YAE1: variants seen among roughly 807,000 people sequenced by gnomAD.
YAE1 encodes the protein YAE1 maturation factor of ABCE1.
A neutral mutation model predicts 23.0 loss-of-function variants in YAE1; 22 were observed. That is an observed-to-expected ratio of 0.96 (90% CI 0.68 to 1.37). The LOEUF (loss-of-function observed/expected upper bound fraction) is 1.37, where lower values mean the gene tolerates loss of function less well. Ranked by LOEUF, YAE1 falls within the 40% of genes most tolerant of loss-of-function variation. The pLI is 0.00. For missense variants in YAE1, 260 were observed against 262.1 expected (o/e 0.99, Z 0.06); for synonymous variants, 101 against 97.0 (o/e 1.04, Z -0.24).
chr7:39,605,243 G>A (rs1304918310), intron 2 of YAE1, among the ~76,000 whole-genome samples: 1 of 152,164 alleles, frequency 6.6e-6, no homozygotes, highest in Non-Finnish European at 1.5e-5. Context: ...GTAGGTTGTG[G>A]TTAACCTATG....
intron 2 of YAE1, among the ~76,000 whole-genome samples, chr7:39,578,412 C>T (rs1790689559): frequency 6.6e-6 from 1 of 152,192 alleles, no homozygotes; most frequent in Non-Finnish European, 1.5e-5. Context: ...GCCCAAGGGT[C>T]TAGTTCCATG....
chr7:39,576,453 G>A (rs1301490726), downstream of YAE1, among the ~76,000 whole-genome samples: 1 of 152,098 alleles, frequency 6.6e-6, no homozygotes, highest in Non-Finnish European at 1.5e-5. Flanking sequence ...TTTCCCACCT[G>A]CCTCTTTCCA....
At chr7:39,611,433 G>C (rs188840835), downstream of YAE1, among the ~76,000 whole-genome samples, 2 of 152,226 alleles carry the variant, frequency 1.3e-5, no homozygotes, top group Non-Finnish European at 2.9e-5. Context: ...ATCAGAGTTT[G>C]CTCGGGGGCA....
chr7:39,601,974 A>G (rs372431812), intron 2 of YAE1, among the ~76,000 whole-genome samples: 44 of 152,324 alleles, frequency 2.9e-4, no homozygotes, highest in African/African-American at 1.1e-3. Context: ...TATCTATAGA[A>G]GACAGTCAAT....
At chr7:39,566,706 T>C in intron 1 of YAE1, 159 bp downstream of exon 1, 2 of 1,032,898 alleles carry the variant, frequency 1.9e-6, no homozygotes, top group Middle Eastern at 6.6e-4. Context: ...TCTCGATGGT[T>C]ACTTGAAAGC....
At chr7:39,569,582 A>G in intron 1 of YAE1, 1 of 565,534 alleles carries the variant, frequency 1.8e-6, no homozygotes, top group South Asian at 1.6e-5. Flanking sequence ...CTGAAGGACA[A>G]AGGCAACCTG....
intron 1 of YAE1, chr7:39,569,326 A>C (rs1790528457): frequency 3.1e-6 from 1 of 322,110 alleles, no homozygotes; most frequent in African/African-American, 2.2e-5. Flanking sequence ...CAAAAGAAAT[A>C]ATCAGTCTTC....
At chr7:39,599,370 G>T (rs1583683163) in intron 2 of YAE1, among the ~76,000 whole-genome samples, 2 of 138,352 alleles carry the variant, frequency 1.4e-5, no homozygotes, top group Middle Eastern at 3.4e-3. Context: ...TTTTTGTTTT[G>T]TTTTTTTGTT....
chr7:39,569,487 G>A (rs1790531636), intron 1 of YAE1: 11 of 492,416 alleles, frequency 2.2e-5, no homozygotes, highest in South Asian at 8.3e-5. Flanking sequence ...TTCTTTATCC[G>A]CCTCTTGTTC....
At chr7:39,606,958 G>C (rs528633588) in intron 2 of YAE1, among the ~76,000 whole-genome samples, 1 of 152,274 alleles carries the variant, frequency 6.6e-6, no homozygotes, top group South Asian at 2.1e-4. Context: ...TTTCTAAAAT[G>C]TTGGTCTTTA....
intron 2 of YAE1, among the ~76,000 whole-genome samples, chr7:39,593,697 A>G (rs187939065): frequency 1.5e-4 from 23 of 152,152 alleles, no homozygotes; most frequent in Non-Finnish European, 2.6e-4. Context: ...AGCTTAAGCA[A>G]TCTGCCCACC....
chr7:39,569,960 A>G (rs895511140), intron 1 of YAE1: 3 of 1,331,312 alleles, frequency 2.3e-6, no homozygotes, highest in Non-Finnish European at 2.2e-6. Flanking sequence ...CTACTTTCAC[A>G]ACATTAACCT....
At position 39,607,575 on chromosome 7, in the gene YAE1, T is replaced by C. The variant is rs1369822479; in HGVS notation, c.252-2042T>C. ...GACTTTTGAATTCAATAAAGAACTC[T>C]AAGATAATACACTTTTTGTTGTTTT... On this transcript the variant is annotated intron_variant, in intron 2 of 2. Transcript: ENST00000432096. 1.3e-5 allele frequency among the ~76,000 whole-genome samples: 2 copies of C among 152,264 alleles called. 1 individual carries two copies. Among genetic ancestry groups the C allele is most frequent in the African/African-American group, 4.8e-5 (2 of 41,478 alleles).
Position 39,570,609 on chromosome 7 carries a change from G to A in YAE1, c.233G>A (p.Arg78Gln), listed in dbSNP as rs766403561. 4 of 1,598,302 alleles carry A rather than the reference G, an allele frequency of 2.5e-6. No homozygotes were observed. The highest frequency in any genetic ancestry group is 2.2e-5 in the East Asian group (1 of 44,654). The stretch of plus-strand genomic sequence containing the variant: ...GCAGAAGTCATTTTAAACTATGGAC[G>A]ACTCCGAGGAACATTGAGGTAATTT... ...KGAEVILNYGRLRGTLSALLS... is the reference protein window; with the variant it reads ...KGAEVILNYGQLRGTLSALLS... Residue 78 changes from arginine (R) to glutamine (Q), a missense_variant, in exon 2 of 3, where the codon CGA (arginine) becomes CAA (glutamine). Transcript: ENST00000223273.
intron 2 of YAE1, among the ~76,000 whole-genome samples, chr7:39,601,918 T>G (rs1207194456): frequency 6.6e-6 from 1 of 152,198 alleles, no homozygotes; most frequent in Admixed American, 6.5e-5. Context: ...TTCATGAATA[T>G]TCTAACTTCA....
intron 2 of YAE1, among the ~76,000 whole-genome samples, chr7:39,602,452 T>A (rs958516028): frequency 2.6e-5 from 4 of 152,250 alleles, no homozygotes; most frequent in African/African-American, 9.6e-5. Context: ...TGGATTTCCG[T>A]GTTGTAGAAC....
intron 2 of YAE1, among the ~76,000 whole-genome samples, chr7:39,600,702 T>A (rs1308386160): frequency 6.6e-6 from 1 of 152,136 alleles, no homozygotes; most frequent in Non-Finnish European, 1.5e-5. Flanking sequence ...TGGCCTGCTG[T>A]TTTTATTAAA....
intron 2 of YAE1, among the ~76,000 whole-genome samples, chr7:39,605,175 T>G (rs1791110913): frequency 1.3e-5 from 2 of 152,172 alleles, no homozygotes; most frequent in Non-Finnish European, 2.9e-5. Context: ...TTGCTTTGGG[T>G]GGGAAACCAG....
At chr7:39,583,045 C>T (rs533784180) in intron 2 of YAE1, among the ~76,000 whole-genome samples, 15 of 152,276 alleles carry the variant, frequency 9.9e-5, no homozygotes, top group African/African-American at 2.9e-4. Context: ...CAGCGCAAAG[C>T]TATTGGTTGC....
Sources: allele counts gnomAD v4.1 joint callset (sites outside exome capture counted in the v4.1 genomes callset), GRCh38; gene constraint gnomAD v4.1.1; transcripts MANE v1.5; gene names NCBI Gene and HGNC (gene_info 2026-07-23, HGNC 2026-07-21).